TMEM248: variants seen among roughly 807,000 people sequenced by gnomAD.
TMEM248 encodes the protein UPF0458 protein C7orf42.
TMEM248 carries 9 observed loss-of-function variants against 30.3 expected under a neutral mutation model. The ratio of observed to expected loss-of-function variants is 0.30; its 90% confidence interval spans 0.18 to 0.52. The LOEUF (loss-of-function observed/expected upper bound fraction) is 0.52, where lower values mean the gene tolerates loss of function less well. Ranked by LOEUF, TMEM248 falls within the 20% of genes least tolerant of loss-of-function variation. The pLI is 0.97. For synonymous variants in TMEM248, 184 were observed against 154.4 expected (o/e 1.19, Z -1.42); for missense variants, 338 against 403.3 (o/e 0.84, Z 1.39).
rs545831881 is a variant in TMEM248 at position 66,943,259 on chromosome 7, C to G, written c.159+1235C>G. ...AAAGCTGCACAGCCTCCTGCCATTTCTTTCCCGCAGAGCTTGAGTCCATGT... is the reference window on the plus strand; with the variant it reads ...AAAGCTGCACAGCCTCCTGCCATTTGTTTCCCGCAGAGCTTGAGTCCATGT... On this transcript the variant is annotated intron_variant, in intron 2 of 6. Coordinates refer to ENST00000341567, the MANE Select transcript of TMEM248 (RefSeq NM_017994.5). 2.0e-5 allele frequency among the ~76,000 whole-genome samples: 3 copies of G among 152,314 alleles called. No homozygotes were observed. The East Asian group carries it at 5.8e-4, about 29-fold the overall frequency.
In TMEM248 at chr7:66,945,140, C is replaced by T. The variant is rs1418344446; in HGVS notation, c.324C>T (p.Gly108=). 2 of 1,614,088 alleles carry T rather than the reference C, an allele frequency of 1.2e-6. No individual in the cohort carries two copies. Among genetic ancestry groups the T allele is most frequent in the South Asian group, 1.1e-5 (1 of 91,092 alleles). Residue 108 remains glycine, a synonymous_variant, in exon 3 of 7, where the codon GGC becomes GGT. Transcript: ENST00000341567. The stretch of plus-strand genomic sequence containing the variant: ...CCCCCCAGGCCCTGGAGGACTCGGG[C>T]CCGGTGAATATCTCAGTCTCAATCA... ...TQSPQALEDS[G]PVNISVSITL...
chr7:66,936,204 G>A lies in TMEM248; in HGVS notation c.-18-5644G>A, dbSNP rs75892857. On this transcript the variant is annotated intron_variant, in intron 1 of 6. Coordinates refer to ENST00000341567, the MANE Select transcript of TMEM248 (RefSeq NM_017994.5). ...TACTAGTTGTGGGCCTGTTGTATAT[G>A]GCTTTCATTGTGTGAGGTATGATCC... Among the ~76,000 whole-genome samples, 390 of 152,226 alleles carry A rather than the reference G, an allele frequency of 2.6e-3. 2 individuals carry two copies. The highest frequency in any genetic ancestry group is 8.8e-3 in the African/African-American group (367 of 41,536).
chr7:66,945,310 CA>C, intron 3 of TMEM248, 49 bp downstream of exon 3: 1 of 1,573,644 alleles, frequency 6.4e-7, no homozygotes, highest in South Asian at 1.1e-5. Flanking sequence ...ACCACTGTTA[CA>C]AAAAGAGGAT....
At chr7:66,946,299 C>T (rs565430656) in intron 3 of TMEM248, among the ~76,000 whole-genome samples, 5 of 151,670 alleles carry the variant, frequency 3.3e-5, no homozygotes, top group Admixed American at 2.0e-4. Context: ...AAGATGGGCC[C>T]GTGCGCAGTG....
Position 66,945,243 on chromosome 7 carries a change from C to T in TMEM248, c.427C>T (p.His143Tyr). The T allele has an allele frequency of 1.9e-6, 3 of 1,613,580 alleles. No homozygotes were observed. Among genetic ancestry groups the T allele is most frequent in the Non-Finnish European group, 2.5e-6 (3 of 1,179,508 alleles). ...CCATCTGTACTCAACCATCTTAGGG[C>T]ATCAGATTGGACTTTCAGGTATGCA... ...VTHLYSTILG[H>Y]QIGLSGREAH... Residue 143 changes from histidine (H) to tyrosine (Y), a missense_variant, in exon 3 of 7, where the codon CAT (histidine) becomes TAT (tyrosine). Physicochemically the swap from His to Tyr is moderately conservative, Grantham distance 83. Coordinates refer to ENST00000341567, the MANE Select transcript of TMEM248 (RefSeq NM_017994.5).
chr7:66,951,184 A>G, intron 5 of TMEM248, 49 bp downstream of exon 5: 2 of 1,465,686 alleles, frequency 1.4e-6, no homozygotes, highest in Non-Finnish European at 9.1e-7. Context: ...GCATATGCAC[A>G]TGTGTGCGCA....
chr7:66,925,579 G>C (rs1791501362), intron 1 of TMEM248, among the ~76,000 whole-genome samples: 1 of 152,084 alleles, frequency 6.6e-6, no homozygotes, highest in Non-Finnish European at 1.5e-5. Context: ...CCATGTTGTG[G>C]CAAATAGTGC....
chr7:66,954,974 T>C (rs1792366247), intron 6 of TMEM248, among the ~76,000 whole-genome samples: 1 of 152,122 alleles, frequency 6.6e-6, no homozygotes, highest in South Asian at 2.1e-4. Flanking sequence ...TATCAAGGTT[T>C]AAAGACAGTT....
At chr7:66,948,359 GCT>G (rs1183539062) in intron 3 of TMEM248, among the ~76,000 whole-genome samples, 183 bp from the exon 4 acceptor site, 1 of 152,152 alleles carries the variant, frequency 6.6e-6, no homozygotes, top group Non-Finnish European at 1.5e-5. Flanking sequence ...CTGCTTCGTG[GCT>G]CTGAGTTGAG....
rs192719556 is a variant in TMEM248 at position 66,956,703 on chromosome 7, G to C, written c.*1181G>C. The stretch of plus-strand genomic sequence containing the variant: ...TTTTCTTTTTCTTTTTTTTTGGAGG[G>C]GGGAGGCAGGGTCTTGCTCTGTCCC... On this transcript the variant is annotated 3_prime_UTR_variant, in exon 7 of 7. Coordinates refer to ENST00000341567, the MANE Select transcript of TMEM248 (RefSeq NM_017994.5). The C allele has an allele frequency of 1.3e-5, 2 of 151,524 alleles. No individual in the cohort carries two copies. Among genetic ancestry groups the C allele is most frequent in the Non-Finnish European group, 2.9e-5 (2 of 67,960 alleles). The allele number at this position is 151,524 out of a possible 1,614,324, so 9.4% of individuals were successfully genotyped here.
intron 1 of TMEM248, among the ~76,000 whole-genome samples, chr7:66,935,115 T>A (rs1207251318): frequency 6.6e-6 from 1 of 152,158 alleles, no homozygotes. Context: ...GAACTCTGAT[T>A]TACTGTTGAC....
intron 3 of TMEM248, among the ~76,000 whole-genome samples, chr7:66,948,172 T>A (rs779843980): frequency 6.6e-6 from 1 of 152,220 alleles, no homozygotes; most frequent in Non-Finnish European, 1.5e-5. Flanking sequence ...GTCATGTTCA[T>A]GGGAGAGTAG....
intron 4 of TMEM248, among the ~76,000 whole-genome samples, chr7:66,950,302 A>T (rs978796760): frequency 1.3e-5 from 2 of 152,004 alleles, no homozygotes; most frequent in African/African-American, 4.8e-5. Context: ...CTCATGTGTC[A>T]TGGGAGGGAC....
intron 1 of TMEM248, among the ~76,000 whole-genome samples, chr7:66,926,099 T>C (rs1299618102): frequency 6.6e-6 from 1 of 152,156 alleles, no homozygotes; most frequent in Non-Finnish European, 1.5e-5. Context: ...TGATATCTCA[T>C]TGTGATTTTA....
At chr7:66,923,334 C>T (rs1335223667) in intron 1 of TMEM248, among the ~76,000 whole-genome samples, 1 of 151,858 alleles carries the variant, frequency 6.6e-6, no homozygotes, top group Non-Finnish European at 1.5e-5. Flanking sequence ...TTGGTAGAGA[C>T]GAGGTTTCAT....
At chr7:66,938,620 G>A (rs534160078) in intron 1 of TMEM248, among the ~76,000 whole-genome samples, 1 of 152,172 alleles carries the variant, frequency 6.6e-6, no homozygotes, top group Admixed American at 6.5e-5. Flanking sequence ...TGATTCTCCT[G>A]CTTCAGCCTC....
intron 2 of TMEM248, among the ~76,000 whole-genome samples, chr7:66,944,143 C>T (rs1268210924): frequency 1.5e-5 from 2 of 129,778 alleles, no homozygotes; most frequent in African/African-American, 3.0e-5. Flanking sequence ...CTCACTGTGT[C>T]GCCCAGGGTG....
intron 3 of TMEM248, among the ~76,000 whole-genome samples, chr7:66,946,632 A>G (rs1792115515): frequency 6.6e-6 from 1 of 152,098 alleles, no homozygotes; most frequent in Admixed American, 6.6e-5. Context: ...TTTTGGGGTT[A>G]TGGAAGAGAC....
intron 1 of TMEM248, among the ~76,000 whole-genome samples, chr7:66,924,780 G>A (rs957314918): frequency 1.3e-5 from 2 of 151,830 alleles, no homozygotes; most frequent in African/African-American, 4.8e-5. Flanking sequence ...GCATGACCTC[G>A]GTCACTGCAA....
Sources: allele counts gnomAD v4.1 joint callset (sites outside exome capture counted in the v4.1 genomes callset), GRCh38; gene constraint gnomAD v4.1.1; transcripts MANE v1.5; gene names NCBI Gene and HGNC (gene_info 2026-07-23, HGNC 2026-07-21).